Variants in CEP78 observed in about 807,000 individuals in gnomAD.
CEP78 encodes the protein centrosomal protein of 78 kDa.
A neutral mutation model predicts 81.2 loss-of-function variants in CEP78; 76 were observed. The observed-to-expected ratio is 0.94, with a 90% confidence interval of 0.78 to 1.13. The LOEUF (loss-of-function observed/expected upper bound fraction) is 1.13, where lower values mean the gene tolerates loss of function less well. CEP78 is among the 50% of genes most tolerant of loss of function. CEP78 has a pLI of 0.00. For missense variants in CEP78, 918 were observed against 846.8 expected (o/e 1.08, Z -1.04); for synonymous variants, 293 against 301.4 (o/e 0.97, Z 0.29).
rs1028191296 is a variant in CEP78 at position 78,236,588 on chromosome 9, T to C, written c.238T>C (p.Trp80Arg). 1 of 1,546,118 alleles carries C rather than the reference T, an allele frequency of 6.5e-7. No individual in the cohort carries two copies. The highest frequency in any genetic ancestry group is 2.3e-5 in the East Asian group (1 of 43,724). Residue 80 changes from tryptophan (W) to arginine (R), a missense_variant, in exon 1 of 17, where the codon TGG becomes CGG. Transcript: ENST00000643273. ...CTCCATCAAGAGCTTCTTCCAGCCC[T>C]GGCTGGGGGACACAGGTTTGTAGTT... The part of the protein sequence containing the change: ...LVSIKSFFQP[W>R]LGDTGSDMNK...
intron 11 of CEP78, among the ~76,000 whole-genome samples, chr9:78,258,187 A>C (rs936724497): frequency 6.6e-6 from 1 of 152,166 alleles, no homozygotes; most frequent in Non-Finnish European, 1.5e-5. Flanking sequence ...TATTAGTCCT[A>C]CTTTTCAGAA....
intron 4 of CEP78, among the ~76,000 whole-genome samples, 191 bp downstream of exon 4, chr9:78,241,990 G>A (rs1826255449): frequency 6.6e-6 from 1 of 152,126 alleles, no homozygotes; most frequent in Non-Finnish European, 1.5e-5. Context: ...CTTAATCTTA[G>A]AAATAGAAGA....
chr9:78,242,852 C>T (rs1260600574), intron 4 of CEP78, among the ~76,000 whole-genome samples: 1 of 152,090 alleles, frequency 6.6e-6, no homozygotes, highest in Admixed American at 6.5e-5. Context: ...ATCAACCTTG[C>T]TTTGTATATT....
chr9:78,245,262 A>G (rs1826426355), intron 5 of CEP78, among the ~76,000 whole-genome samples: 1 of 152,118 alleles, frequency 6.6e-6, no homozygotes, highest in Non-Finnish European at 1.5e-5. Flanking sequence ...TAAAGAGAAG[A>G]CATTCATTTC....
chr9:78,240,246 G>A (rs1563976553), intron 2 of CEP78, 46 bp from the exon 3 acceptor site: 1 of 1,611,290 alleles, frequency 6.2e-7, no homozygotes, highest in African/African-American at 1.3e-5. Context: ...GCTTTTAGAG[G>A]AAAAAAAACC....
At chr9:78,267,943 C>A (rs1827602834) in intron 16 of CEP78, among the ~76,000 whole-genome samples, 1 of 152,070 alleles carries the variant, frequency 6.6e-6, no homozygotes, top group Admixed American at 6.6e-5. Context: ...AAAAGGGCTA[C>A]TACAATACTA....
chr9:78,242,431 G>A (rs1457011709), intron 4 of CEP78, among the ~76,000 whole-genome samples: 2 of 152,118 alleles, frequency 1.3e-5, no homozygotes, highest in Admixed American at 1.3e-4. Flanking sequence ...GCTAAAACCC[G>A]AGCTCTCTCC....
Position 78,274,495 on chromosome 9 carries a change from G to A in CEP78, c.*3644G>A, listed in dbSNP as rs1480335504. 1 of 152,102 alleles carries A rather than the reference G, an allele frequency of 6.6e-6. No individual in the cohort carries two copies. Among genetic ancestry groups the A allele is most frequent in the East Asian group, 1.9e-4 (1 of 5,194 alleles). 9.4% of individuals were successfully genotyped at this position (152,102 alleles called of 1,614,324 possible). A position where few individuals can be genotyped will look rare whatever the true frequency, so the allele number is the denominator to read the frequency against. On this transcript the variant is annotated 3_prime_UTR_variant, in exon 17 of 17. Transcript: ENST00000643273. The stretch of plus-strand genomic sequence containing the variant: ...TTAGTTTTACTCTATAATAATATTA[G>A]AGCTTAAAAAATTCATCCCTCTTGC...
intron 11 of CEP78, among the ~76,000 whole-genome samples, chr9:78,257,416 A>T (rs1827089497): frequency 6.6e-6 from 1 of 152,172 alleles, no homozygotes; most frequent in African/African-American, 2.4e-5. Flanking sequence ...TTGTTATTTG[A>T]AAACATAGTC....
At chr9:78,237,955 C>CAAAAAA (rs557546978) in intron 1 of CEP78, among the ~76,000 whole-genome samples, 6 of 106,108 alleles carry the variant, frequency 5.7e-5, no homozygotes, top group South Asian at 3.4e-4. Context: ...ACTAAAAATA[C>CAAAAAA]AAAAAAAAAA....
At chr9:78,249,055 C>G (rs192037070) in intron 8 of CEP78, 182 bp downstream of exon 8, 14 of 286,346 alleles carry the variant, frequency 4.9e-5, no homozygotes, top group African/African-American at 2.4e-4. Flanking sequence ...GTAAATGAAT[C>G]ATTAGGAAAG....
rs1827676075 is a variant in CEP78 at position 78,270,868 on chromosome 9, TTAAAA to T, written c.*23_*27del. On this transcript the variant is annotated 3_prime_UTR_variant, in exon 17 of 17. Transcript: ENST00000643273. ...TCCCATTGAAATGACTGGAGAAATATTAAAATAAAAATAATAGCAGAGTTGGAAAA... is the reference window on the plus strand; with the variant it reads ...TCCCATTGAAATGACTGGAGAAATATTAAAAATAATAGCAGAGTTGGAAAA... 2 of 688,932 alleles carry T rather than the reference TTAAAA, an allele frequency of 2.9e-6. No individual in the cohort carries two copies. Among genetic ancestry groups the T allele is most frequent in the Non-Finnish European group, 5.3e-6 (2 of 377,866 alleles). The allele number at this position is 688,932 out of a possible 1,614,324, so 42.7% of individuals were successfully genotyped here. A position where few individuals can be genotyped will look rare whatever the true frequency, so the allele number is the denominator to read the frequency against.
At chr9:78,242,759 T>C (rs1826294843) in intron 4 of CEP78, among the ~76,000 whole-genome samples, 1 of 152,160 alleles carries the variant, frequency 6.6e-6, no homozygotes, top group African/African-American at 2.4e-5. Context: ...TTACCGAAAT[T>C]TACTTTATGG....
chr9:78,240,447 C>T, intron 3 of CEP78, 83 bp downstream of exon 3: 1 of 1,181,800 alleles, frequency 8.5e-7, no homozygotes, highest in African/African-American at 1.5e-5. Flanking sequence ...CTGTCTGTAC[C>T]TTTTTTCTTA....
At chr9:78,244,157 T>TG (rs1372870504) in intron 5 of CEP78, among the ~76,000 whole-genome samples, 1 of 147,030 alleles carries the variant, frequency 6.8e-6, no homozygotes, top group African/African-American at 2.6e-5. Context: ...TTTTTTTTTT[T>TG]GAGACAGGGT....
Position 78,266,822 on chromosome 9 carries a change from T to A in CEP78, c.2107+119T>A. On this transcript the variant is annotated intron_variant, in intron 16 of 16. Coordinates refer to ENST00000643273, the MANE Select transcript of CEP78 (RefSeq NM_001330691.3). ...CTAGGGAAACTAGTTCTTTGGTTAATGAACCAATTAAAAGTAGGTCTTTGA... is the reference window on the plus strand; with the variant it reads ...CTAGGGAAACTAGTTCTTTGGTTAAAGAACCAATTAAAAGTAGGTCTTTGA... 5.4e-6 allele frequency: 8 copies of A among 1,482,694 alleles called. No homozygotes were observed. The South Asian group carries it at 1.0e-4, about 19-fold the overall frequency. 91.8% of individuals were successfully genotyped at this position (1,482,694 alleles called of 1,614,324 possible). A position where few individuals can be genotyped will look rare whatever the true frequency, so the allele number is the denominator to read the frequency against.
chr9:78,265,099 G>T (rs1307196696), intron 13 of CEP78, among the ~76,000 whole-genome samples: 2 of 152,094 alleles, frequency 1.3e-5, no homozygotes, highest in Non-Finnish European at 2.9e-5. Flanking sequence ...TATAAAATAC[G>T]GAATAAGTAA....
intron 5 of CEP78, 95 bp downstream of exon 5, chr9:78,243,731 T>A: frequency 1.1e-6 from 1 of 915,958 alleles, no homozygotes; most frequent in Non-Finnish European, 1.5e-6. Context: ...GAAGGTTTTT[T>A]AAAAAGCCTC....
At chr9:78,259,435 C>T (rs893954381) in intron 11 of CEP78, among the ~76,000 whole-genome samples, 4 of 152,102 alleles carry the variant, frequency 2.6e-5, no homozygotes, top group African/African-American at 9.7e-5. Context: ...CATGAGTATT[C>T]CCTGATAGTG....
Sources: allele counts gnomAD v4.1 joint callset (sites outside exome capture counted in the v4.1 genomes callset), GRCh38; gene constraint gnomAD v4.1.1; transcripts MANE v1.5; gene names NCBI Gene and HGNC (gene_info 2026-07-23, HGNC 2026-07-21).